The following ITGAV variants were observed in gnomAD, a reference collection of about 807,000 sequenced individuals.
ITGAV encodes integrin alpha-V.
A neutral mutation model predicts 143.8 loss-of-function variants in ITGAV; 76 were observed. The ratio of observed to expected loss-of-function variants is 0.53; its 90% CI spans 0.44 to 0.64. The LOEUF (loss-of-function observed/expected upper bound fraction) is 0.64, where lower values mean the gene tolerates loss of function less well. Ranked by LOEUF, ITGAV falls within the 30% of genes least tolerant of loss-of-function variation. ITGAV has a pLI of 0.00. For synonymous variants in ITGAV, 453 were observed against 446.7 expected, an observed-to-expected ratio of 1.01 and a Z score of -0.18; for missense variants, 1,193 against 1,274.7, an observed-to-expected ratio of 0.94 and a Z score of 0.98.
chr2:186,664,443 T>G (rs765281626), intron 19 of ITGAV, 51 bp from the exon 20 acceptor site: 4 of 1,555,554 alleles, frequency 2.6e-6, no homozygotes, highest in Non-Finnish European at 3.5e-6. Flanking sequence ...AGTCATACTT[T>G]CCCCATGTAG....
chr2:186,628,140 A>G (rs1186291489), intron 4 of ITGAV, among the ~76,000 whole-genome samples: 1 of 152,140 alleles, frequency 6.6e-6, no homozygotes, highest in East Asian at 1.9e-4. Context: ...CACACAAAAA[A>G]CTTCTGAGGT....
chr2:186,598,388 C>T (rs909713189), intron 1 of ITGAV, among the ~76,000 whole-genome samples: 4 of 150,368 alleles, frequency 2.7e-5, no homozygotes, highest in African/African-American at 4.9e-5. Context: ...GTTTTGATGA[C>T]GAGCTGCTCT....
At chr2:186,666,352 C>T (rs1228375782) in intron 21 of ITGAV, among the ~76,000 whole-genome samples, 1 of 152,170 alleles carries the variant, frequency 6.6e-6, no homozygotes, top group Non-Finnish European at 1.5e-5. Flanking sequence ...CCTATGAACA[C>T]AGCACATACT....
At chr2:186,654,878 C>T (rs1209308840) in intron 16 of ITGAV, among the ~76,000 whole-genome samples, 170 bp downstream of exon 16, 1 of 151,928 alleles carries the variant, frequency 6.6e-6, no homozygotes, top group Non-Finnish European at 1.5e-5. Context: ...CTTTGGTAAC[C>T]CTTAAGCTAA....
intron 19 of ITGAV, among the ~76,000 whole-genome samples, 159 bp downstream of exon 19, chr2:186,663,994 A>C (rs1688819999): frequency 6.6e-6 from 1 of 152,212 alleles, no homozygotes; most frequent in African/African-American, 2.4e-5. Flanking sequence ...GCTTCTAAAG[A>C]AAATATCCAC....
intron 8 of ITGAV, 109 bp downstream of exon 8, chr2:186,637,218 C>T: frequency 1.1e-6 from 1 of 872,736 alleles, no homozygotes; most frequent in East Asian, 2.7e-5. Context: ...GCTGTGGCTG[C>T]AGCCTGTAAT....
intron 23 of ITGAV, 28 bp from the exon 24 acceptor site, chr2:186,667,643 T>C (rs1275370180): frequency 1.6e-6 from 2 of 1,251,544 alleles, no homozygotes; most frequent in Non-Finnish European, 1.2e-6. Context: ...TTGATATTCA[T>C]GGTAGGTTTT....
At chr2:186,663,244 G>A (rs980181162) in intron 18 of ITGAV, among the ~76,000 whole-genome samples, 3 of 151,968 alleles carry the variant, frequency 2.0e-5, no homozygotes, top group African/African-American at 7.3e-5. Flanking sequence ...ATTTTATCCA[G>A]TTTCTTTTGC....
chr2:186,622,370 G>A lies in ITGAV; in HGVS notation c.348G>A (p.Leu116=). 1 of 1,613,618 alleles carries A rather than the reference G, an allele frequency of 6.2e-7. No homozygotes were observed. ...GNRDYAKDDP[L]EFKSHQWFGA... Reference sequence around the variant, plus strand: ...GAGATTATGCCAAGGATGATCCATTGGAATTTAAGTCCCATCAGTGGTTTG... The same window carrying A: ...GAGATTATGCCAAGGATGATCCATTAGAATTTAAGTCCCATCAGTGGTTTG... Residue 116 remains leucine (L), a synonymous_variant, in exon 3 of 30, where the codon TTG becomes TTA. Transcript: ENST00000261023.
intron 2 of ITGAV, among the ~76,000 whole-genome samples, chr2:186,619,810 G>C (rs941313705): frequency 6.6e-6 from 1 of 152,072 alleles, no homozygotes; most frequent in African/African-American, 2.4e-5. Flanking sequence ...GGCCAACATG[G>C]TGAAACCCTG....
chr2:186,621,071 T>C (rs969108587), intron 2 of ITGAV, among the ~76,000 whole-genome samples: 1 of 152,172 alleles, frequency 6.6e-6, no homozygotes, highest in Admixed American at 6.5e-5. Context: ...CTTTGTTTTA[T>C]GTTTTGGTTT....
At chr2:186,669,984 A>G (rs550497311) in intron 26 of ITGAV, 170 bp downstream of exon 26, 12 of 572,450 alleles carry the variant, frequency 2.1e-5, no homozygotes, top group South Asian at 1.5e-4. Context: ...TTAATGCCAT[A>G]TTTTCTTCAA....
chr2:186,648,533 C>T (rs1688323770), intron 13 of ITGAV, among the ~76,000 whole-genome samples: 1 of 152,144 alleles, frequency 6.6e-6, no homozygotes, highest in Admixed American at 6.5e-5. Flanking sequence ...GGCGTGATCT[C>T]AGCTCACTGC....
At chr2:186,619,187 GAAAA>G (rs1687453312) in intron 2 of ITGAV, among the ~76,000 whole-genome samples, 4 of 150,952 alleles carry the variant, frequency 2.6e-5, no homozygotes, top group Admixed American at 2.6e-4. Context: ...ATACACACTG[GAAAA>G]ATGTGGTGTG....
intron 1 of ITGAV, among the ~76,000 whole-genome samples, chr2:186,595,879 C>T (rs558039690): frequency 6.6e-6 from 1 of 152,252 alleles, no homozygotes; most frequent in African/African-American, 2.4e-5. Context: ...ACCTCGCCAC[C>T]ATTGATAAGA....
At chr2:186,652,366 T>C (rs1490275628) in intron 15 of ITGAV, among the ~76,000 whole-genome samples, 1 of 152,130 alleles carries the variant, frequency 6.6e-6, no homozygotes, top group Non-Finnish European at 1.5e-5. Context: ...ATTTTTTAAA[T>C]TTTTTTAGAG....
intron 26 of ITGAV, among the ~76,000 whole-genome samples, 177 bp from the exon 27 acceptor site, chr2:186,675,427 C>A (rs1457364402): frequency 6.6e-6 from 1 of 152,138 alleles, no homozygotes; most frequent in African/African-American, 2.4e-5. Context: ...AACATACCAA[C>A]CCCTTCACAA....
rs764854960 is a variant in ITGAV, at chr2:186,590,537, C to G, written c.185+14C>G. The G allele has an allele frequency of 1.6e-5, 25 of 1,609,022 alleles. No homozygotes were observed. The highest frequency in any genetic ancestry group is 3.4e-5 in the Admixed American group (2 of 59,664). Reference sequence around the variant, plus strand: ...CAGCGCGTCTTCGTAAGTGGCCGCACTTGGAACTGGAGCCGGCCCCCTCCC... The same window carrying G: ...CAGCGCGTCTTCGTAAGTGGCCGCAGTTGGAACTGGAGCCGGCCCCCTCCC... On this transcript the variant is annotated intron_variant, in intron 1 of 29. Transcript: ENST00000261023.
chr2:186,637,814 G>A (rs768924988), intron 8 of ITGAV, among the ~76,000 whole-genome samples: 22 of 152,052 alleles, frequency 1.4e-4, no homozygotes, highest in Non-Finnish European at 2.5e-4. Flanking sequence ...ATCTCTGTAC[G>A]GTTATTACCC....
Sources: allele counts gnomAD v4.1 joint callset (sites outside exome capture counted in the v4.1 genomes callset), GRCh38; gene constraint gnomAD v4.1.1; transcripts MANE v1.5; gene names NCBI Gene and HGNC (gene_info 2026-07-23, HGNC 2026-07-21).